The following GLB1 variants were observed in gnomAD, a reference collection of about 807,000 sequenced individuals.
GLB1 encodes galactosidase beta 1.
In GLB1, 56 loss-of-function variants were observed where a neutral mutation model predicts 74.0. That is an observed-to-expected ratio of 0.76 (90% CI 0.61 to 0.94). The LOEUF (loss-of-function observed/expected upper bound fraction) is 0.94. Among genes scored for constraint, GLB1 ranks in the 40% least tolerant of loss-of-function variants. The pLI, the probability that GLB1 is intolerant of heterozygous loss-of-function variation, is 0.00. For synonymous variants in GLB1, 323 were observed against 323.6 expected, an observed-to-expected ratio of 1.00 and a Z score of 0.02; for missense variants, 787 against 845.5, an observed-to-expected ratio of 0.93 and a Z score of 0.86.
intron 10 of GLB1, among the ~76,000 whole-genome samples, chr3:33,031,675 A>ATATATATATAT (rs1698048432): frequency 1.4e-4 from 18 of 128,286 alleles, no homozygotes; most frequent in South Asian, 2.6e-4. Flanking sequence ...ATATATATAT[A>ATATATATATAT]ATCTCCACTA....
intron 15 of GLB1, among the ~76,000 whole-genome samples, chr3:33,003,475 C>T: frequency 6.6e-6 from 1 of 152,186 alleles, no homozygotes; most frequent in East Asian, 1.9e-4. Flanking sequence ...AAAGTTCTAA[C>T]AAGTTTTGTT....
At chr3:33,076,302 C>A (rs774714209) in intron 1 of GLB1, among the ~76,000 whole-genome samples, 7 of 152,162 alleles carry the variant, frequency 4.6e-5, no homozygotes, top group Non-Finnish European at 1.0e-4. Context: ...AGCCACAGAG[C>A]CTCAATATAG....
intron 10 of GLB1, among the ~76,000 whole-genome samples, chr3:33,040,442 A>C (rs1250417522): frequency 8.8e-6 from 1 of 113,654 alleles, no homozygotes; most frequent in Non-Finnish European, 2.3e-5. Context: ...CTGGCTCTAC[A>C]AAAAAAAAAT....
intron 14 of GLB1, among the ~76,000 whole-genome samples, chr3:33,016,383 G>T (rs1367078767): frequency 6.6e-6 from 1 of 152,100 alleles, no homozygotes; most frequent in African/African-American, 2.4e-5. Context: ...TTGAGACAAG[G>T]TCTCACTTTG....
chr3:33,053,847 T>C (rs910539311), intron 6 of GLB1, among the ~76,000 whole-genome samples: 27 of 152,142 alleles, frequency 1.8e-4, no homozygotes, highest in African/African-American at 6.5e-4. Context: ...ACCCCATCTC[T>C]ACTAAAAATA....
At chr3:32,972,317 G>T in the GLB1 span, among the ~76,000 whole-genome samples, 3 of 152,174 alleles carry the variant, frequency 2.0e-5, no homozygotes, top group Non-Finnish European at 4.4e-5. Context: ...GCCTCGGAAG[G>T]AGGAGTATGT....
chr3:32,983,310 TG>T, the GLB1 span, among the ~76,000 whole-genome samples: 1 of 152,234 alleles, frequency 6.6e-6, no homozygotes, highest in Non-Finnish European at 1.5e-5. Flanking sequence ...TTGTTTTCTA[TG>T]CTACATTCTA....
chr3:33,074,389 G>GAAAGAAAGA lies in GLB1; in HGVS notation c.76-1677_76-1676insTCTTTCTTT, dbSNP rs1559412979. ...GGAAGGAAGGAAGGAAGGAAGGAAG[G>GAAAGAAAGA]AAGAAAGAAAGAAAGAAAGAATATT... On this transcript the variant is annotated intron_variant, in intron 1 of 15. Transcript: ENST00000307363. 4.6e-4 allele frequency among the ~76,000 whole-genome samples: 18 copies of GAAAGAAAGA among 38,918 alleles called. 5 individuals carry two copies. The highest frequency in any genetic ancestry group is 2.8e-3 in the East Asian group (2 of 708). 25.5% of individuals were successfully genotyped at this position (38,918 alleles called of 152,430 possible).
At chr3:33,006,744 T>C (rs1371094599) in intron 15 of GLB1, among the ~76,000 whole-genome samples, 3 of 152,246 alleles carry the variant, frequency 2.0e-5, no homozygotes, top group Non-Finnish European at 4.4e-5. Context: ...TTTAATCTTA[T>C]GAATCGCCCT....
At chr3:33,026,997 G>T (rs1220912296) in intron 10 of GLB1, among the ~76,000 whole-genome samples, 1 of 152,256 alleles carries the variant, frequency 6.6e-6, no homozygotes, top group African/African-American at 2.4e-5. Flanking sequence ...GGCTAAAAGA[G>T]CTGTAACACA....
At chr3:33,061,487 C>T (rs1221986536) in intron 5 of GLB1, among the ~76,000 whole-genome samples, 1 of 152,148 alleles carries the variant, frequency 6.6e-6, no homozygotes, top group Admixed American at 6.6e-5. Context: ...ATCTCAACTA[C>T]TCAACTCTGC....
At chr3:32,969,146 A>G in the GLB1 span, among the ~76,000 whole-genome samples, 2 of 152,184 alleles carry the variant, frequency 1.3e-5, no homozygotes, top group African/African-American at 4.8e-5. Context: ...TTCATACTAA[A>G]GGGAGTCCGT....
At chr3:33,051,242 A>G (rs1346756085) in intron 9 of GLB1, among the ~76,000 whole-genome samples, 2 of 150,382 alleles carry the variant, frequency 1.3e-5, no homozygotes, top group Non-Finnish European at 3.0e-5. Context: ...TCAAAAAAAA[A>G]AAAAAAAAAA....
At chr3:32,968,046 G>A in the GLB1 span, among the ~76,000 whole-genome samples, 1 of 152,174 alleles carries the variant, frequency 6.6e-6, no homozygotes, top group Admixed American at 6.5e-5. Context: ...GATGAACTTC[G>A]TGTCCCCACT....
the GLB1 span, among the ~76,000 whole-genome samples, chr3:32,966,360 T>A: frequency 1.1e-4 from 16 of 152,250 alleles, no homozygotes; most frequent in Non-Finnish European, 2.2e-4. Context: ...GTTTACTGAC[T>A]GCCCTATTGG....
intron 1 of GLB1, among the ~76,000 whole-genome samples, chr3:33,079,523 G>A (rs1310837934): frequency 6.6e-6 from 1 of 152,124 alleles, no homozygotes; most frequent in Non-Finnish European, 1.5e-5. Context: ...TATGTTAATG[G>A]TATAATCTTT....
intron 4 of GLB1, among the ~76,000 whole-genome samples, chr3:33,067,964 C>T (rs1699752176): frequency 6.6e-6 from 1 of 152,196 alleles, no homozygotes; most frequent in African/African-American, 2.4e-5. Context: ...CGGTTCACTG[C>T]AACTTCCGCC....
chr3:33,058,009 T>C, intron 6 of GLB1, 80 bp downstream of exon 6: 1 of 1,575,174 alleles, frequency 6.3e-7, no homozygotes, highest in Non-Finnish European at 8.7e-7. Context: ...CCATGACACT[T>C]ATAACAACAG....
intron 10 of GLB1, among the ~76,000 whole-genome samples, chr3:33,033,219 G>T (rs1698128738): frequency 6.6e-6 from 1 of 152,222 alleles, no homozygotes; most frequent in South Asian, 2.1e-4. Context: ...GGTTTGAAAT[G>T]TATGGGGCCA....
Sources: gnomAD v4.1 joint callset for allele counts (sites outside exome capture counted in the v4.1 genomes callset) on GRCh38, gnomAD v4.1.1 for gene constraint, MANE v1.5 for transcripts, NCBI Gene and HGNC (gene_info 2026-07-23, HGNC 2026-07-21) for gene names.